The following ARHGAP5 variants were observed in gnomAD, a reference collection of about 807,000 sequenced individuals.
The protein encoded by ARHGAP5 is Rho GTPase activating protein 5, also known as rho GTPase-activating protein 5.
Under a neutral mutation model 116.6 loss-of-function variants are expected in ARHGAP5, and 23 were observed. The observed-to-expected ratio is 0.20, with a 90% CI of 0.14 to 0.28. The LOEUF is 0.28. Among genes scored for constraint, ARHGAP5 ranks in the 10% least tolerant of loss-of-function variants. ARHGAP5 has a pLI of 1.00. For synonymous variants in ARHGAP5, 574 were observed against 602.0 expected (o/e 0.95, Z 0.68); for missense variants, 1,405 against 1,774.8 (o/e 0.79, Z 3.74).
chr14:32,144,942 T>C (rs1881307865), intron 3 of ARHGAP5, among the ~76,000 whole-genome samples: 1 of 152,278 alleles, frequency 6.6e-6, no homozygotes, highest in Non-Finnish European at 1.5e-5. Flanking sequence ...TGGTATCTGT[T>C]AAATGTCATT....
In ARHGAP5 at chr14:32,156,876, T is replaced by A. The variant is rs573253828; in HGVS notation, c.*1928T>A. On this transcript the variant is annotated 3_prime_UTR_variant, in exon 7 of 7. Transcript: ENST00000345122. ...AAGCCTGACTATTTCTATTTGGAAG[T>A]AGGCTGAAAAGAGAATTTTCAAAAC... 3.3e-5 allele frequency: 5 copies of A among 152,500 alleles called. No homozygotes were observed. The East Asian group carries it at 9.6e-4, about 29-fold the overall frequency. The allele number at this position is 152,500 out of a possible 1,614,324, so 9.4% of individuals were successfully genotyped here. A position where few individuals can be genotyped will look rare whatever the true frequency, so the allele number is the denominator to read the frequency against.
chr14:32,136,634 T>C (rs567092125), intron 3 of ARHGAP5, among the ~76,000 whole-genome samples: 1 of 152,324 alleles, frequency 6.6e-6, no homozygotes, highest in Non-Finnish European at 1.5e-5. Flanking sequence ...AGGAGTGGAA[T>C]TGCTGGATCA....
At position 32,089,019 on chromosome 14, in the gene ARHGAP5, A is replaced by G. The variant is rs891338240; in HGVS notation, c.-168-1483A>G. On this transcript the variant is annotated intron_variant, in intron 1 of 6. Transcript: ENST00000345122. ...CTTGTATTGCCACTTCAATATAGTA[A>G]TATTTATTACAAAAGTGAACCTAAT... Among the ~76,000 whole-genome samples the G allele has an allele frequency of 3.3e-5, 5 of 152,070 alleles. No homozygotes were observed. The South Asian group carries it at 6.2e-4, about 19-fold the overall frequency.
rs1232730661 is a variant in ARHGAP5 at position 32,101,623 on chromosome 14, T to C, written c.3717+7237T>C. On this transcript the variant is annotated intron_variant, in intron 2 of 6. Transcript: ENST00000345122. ...GTGTTCACATCTGAGAGAACCTGAT[T>C]TAGGTTCTTGAAAGAATTTTGTGAA... Among the ~76,000 whole-genome samples the C allele has an allele frequency of 2.0e-5, 3 of 151,844 alleles. No homozygotes were observed. In the East Asian group the frequency reaches 5.8e-4, roughly 29 times the overall value.
chr14:32,098,826 A>T (rs1878654619), intron 2 of ARHGAP5, among the ~76,000 whole-genome samples: 1 of 152,226 alleles, frequency 6.6e-6, no homozygotes, highest in African/African-American at 2.4e-5. Flanking sequence ...AATGCAGACC[A>T]GACTCTGAGA....
chr14:32,092,117 T>C lies in ARHGAP5; in HGVS notation c.1448T>C (p.Val483Ala). ...TATGGTAGGCATCAGCGAGAAATAGTTGAAAAAGCCAAAGAAGAGTTTCAA... is the reference window on the plus strand; with the variant it reads ...TATGGTAGGCATCAGCGAGAAATAGCTGAAAAAGCCAAAGAAGAGTTTCAA... The part of the protein sequence containing the change: ...EVYGRHQREI[V>A]EKAKEEFQEM... Residue 483 changes from valine (V) to alanine (A), a missense_variant, in exon 2 of 7, where the codon GTT becomes GCT. Physicochemically the swap from Val to Ala is moderately conservative, Grantham distance 64 (BLOSUM62 0). Transcript: ENST00000345122. This position sits in a 1 kb window ranked among gnomAD's most constrained non-coding sequence, Gnocchi z 4.1. 1 of 1,613,840 alleles carries C rather than the reference T, an allele frequency of 6.2e-7. No homozygotes were observed. Among genetic ancestry groups the C allele is most frequent in the Non-Finnish European group, 8.5e-7 (1 of 1,179,804 alleles).
chr14:32,112,109 G>A (rs974996938), intron 2 of ARHGAP5, among the ~76,000 whole-genome samples: 1 of 152,002 alleles, frequency 6.6e-6, no homozygotes, highest in African/African-American at 2.4e-5. Flanking sequence ...GAGCCACCAC[G>A]CCTGGCCTCT....
chr14:32,154,635 A>G lies in ARHGAP5; in HGVS notation c.4196A>G (p.His1399Arg), dbSNP rs757437009. 8.1e-6 allele frequency: 13 copies of G among 1,606,256 alleles called. No homozygotes were observed. Among genetic ancestry groups the G allele is most frequent in the Non-Finnish European group, 1.1e-5 (13 of 1,174,316 alleles). ...CATAATTTCAGGGTTAGTCAGCAAC[A>G]TAAAATCAACCTAATGACAGCAGAC... is the stretch of plus-strand genomic sequence containing the variant. ...ITHLNRVSQQ[H>R]KINLMTADNL... The change falls in exon 7 of 7, where the codon CAT (histidine) becomes CGT (arginine). Residue 1399 changes from histidine (H) to arginine (R), a missense_variant. His to Arg is a conservative substitution (Grantham distance 29). Around this residue, in one of 6 missense-constraint regions of ARHGAP5, gnomAD observed 176 missense variants for 221.2 expected, o/e 0.80. Coordinates refer to ENST00000345122, the MANE Select transcript of ARHGAP5 (RefSeq NM_001030055.2).
At chr14:32,104,923 A>G (rs1878941264) in intron 2 of ARHGAP5, among the ~76,000 whole-genome samples, 1 of 152,178 alleles carries the variant, frequency 6.6e-6, no homozygotes, top group South Asian at 2.1e-4. Context: ...GGCAATGTCT[A>G]GAGACATTTT....
chr14:32,125,449 G>C (rs1235942271), intron 3 of ARHGAP5, among the ~76,000 whole-genome samples: 3 of 152,152 alleles, frequency 2.0e-5, no homozygotes, highest in Non-Finnish European at 4.4e-5. Context: ...ACATTCATGT[G>C]TACAACTATT....
chr14:32,138,698 A>G (rs12147033), intron 3 of ARHGAP5, among the ~76,000 whole-genome samples: 277 of 152,122 alleles, frequency 1.8e-3, no homozygotes, highest in Non-Finnish European at 2.9e-3. Flanking sequence ...TTATTTATTT[A>G]TTTTTCCTTG....
intron 2 of ARHGAP5, among the ~76,000 whole-genome samples, chr14:32,097,822 A>G (rs767153587): frequency 6.6e-6 from 1 of 152,236 alleles, no homozygotes; most frequent in African/African-American, 2.4e-5. Flanking sequence ...ATTTCTATAC[A>G]TTACCAACAG....
chr14:32,121,381 T>C (rs566385143), intron 3 of ARHGAP5, among the ~76,000 whole-genome samples: 1 of 152,324 alleles, frequency 6.6e-6, no homozygotes, highest in Non-Finnish European at 1.5e-5. Context: ...TCTAATGTGG[T>C]ATACATCTTT....
intron 2 of ARHGAP5, among the ~76,000 whole-genome samples, chr14:32,110,341 A>G (rs1259359079): frequency 6.7e-6 from 1 of 150,366 alleles, no homozygotes; most frequent in Non-Finnish European, 1.5e-5. Flanking sequence ...TTTTTTTTTT[A>G]AGAGATGGGA....
chr14:32,146,328 C>G lies in ARHGAP5; in HGVS notation c.3931C>G (p.Gln1311Glu). ...AACTGACCAAGACAATATTCAAAAG[C>G]AGTTTGATCAAGGTAAGAAGATGAT... ...NKTDQDNIQKQFDQDHNINLV... is the reference protein window; with the variant it reads ...NKTDQDNIQKEFDQDHNINLV... The change falls in exon 4 of 7, where the codon CAG (glutamine) becomes GAG (glutamate). Residue 1311 changes from glutamine (Q) to glutamate (E), a missense_variant. Around this residue, in one of 6 missense-constraint regions of ARHGAP5, gnomAD observed 176 missense variants for 221.2 expected, o/e 0.80. Transcript: ENST00000345122. The G allele has an allele frequency of 1.2e-6, 2 of 1,610,520 alleles. No homozygotes were observed. The highest frequency in any genetic ancestry group is 2.2e-5 in the South Asian group (2 of 90,992).
At chr14:32,153,534 A>G (rs960560031) in intron 6 of ARHGAP5, among the ~76,000 whole-genome samples, 9 of 122,974 alleles carry the variant, frequency 7.3e-5, no homozygotes, top group African/African-American at 2.5e-4. Context: ...GTTCAGTGGC[A>G]TGATCTCAGC....
intron 4 of ARHGAP5, among the ~76,000 whole-genome samples, chr14:32,149,514 A>G (rs553529741): frequency 6.6e-6 from 1 of 152,222 alleles, no homozygotes; most frequent in East Asian, 1.9e-4. Flanking sequence ...TCATGCCTGT[A>G]ATTTCAGCAC....
At chr14:32,109,835 C>A (rs1879197957) in intron 2 of ARHGAP5, among the ~76,000 whole-genome samples, 1 of 152,054 alleles carries the variant, frequency 6.6e-6, no homozygotes, top group African/African-American at 2.4e-5. Context: ...CGTGAACATT[C>A]CTGTAGATGA....
At chr14:32,115,855 TGTG>T (rs1319340843) in intron 2 of ARHGAP5, among the ~76,000 whole-genome samples, 1 of 141,382 alleles carries the variant, frequency 7.1e-6, no homozygotes, top group Non-Finnish European at 1.5e-5. Context: ...GTGCATGTGG[TGTG>T]GTGGCAGGCG....
Sources: allele counts gnomAD v4.1 joint callset (sites outside exome capture counted in the v4.1 genomes callset), GRCh38; gene constraint gnomAD v4.1.1; regional missense constraint gnomAD v4.1.1; non-coding constraint Gnocchi (gnomAD v3.1); transcripts MANE v1.5; gene names NCBI Gene and HGNC (gene_info 2026-07-23, HGNC 2026-07-21).